RASA3: variants seen among roughly 807,000 people sequenced by gnomAD.
RASA3 encodes the protein RAS p21 protein activator 3.
Under a neutral mutation model 110.0 loss-of-function variants are expected in RASA3, and 73 were observed. That is an observed-to-expected ratio of 0.66 (90% CI 0.55 to 0.81). The LOEUF is 0.81. Among genes scored for constraint, RASA3 ranks in the 30% least tolerant of loss-of-function variants. The probability of loss-of-function intolerance (pLI) is 0.00; values close to 1 mark genes in which losing one functional copy is unlikely to be tolerated. For synonymous variants in RASA3, 500 were observed against 451.4 expected (o/e 1.11, Z -1.37); for missense variants, 976 against 1,113.2 (o/e 0.88, Z 1.75).
At chr13:114,043,651 A>G (rs1468653254) in intron 3 of RASA3, among the ~76,000 whole-genome samples, 2 of 152,082 alleles carry the variant, frequency 1.3e-5, no homozygotes, top group East Asian at 1.9e-4. Flanking sequence ...CGAGAGCCAA[A>G]TCAAGAACCA....
rs757071943 is a variant in RASA3, at chr13:114,021,553, C to G, written c.681-45G>C. ...CAGCTCTAGCTGACGGCGGGCAGCC[C>G]GTGTGGAGCAAAGATGACAGGCCAC... is the stretch of plus-strand genomic sequence containing the variant. On this transcript the variant is annotated intron_variant, in intron 8 of 23. Transcript: ENST00000334062. 5 of 1,544,360 alleles carry G rather than the reference C, an allele frequency of 3.2e-6. No homozygotes were observed. The African/African-American group carries it at 5.4e-5, about 17-fold the overall frequency.
In RASA3 at chr13:114,118,429, T is replaced by G. The variant is rs938423043; in HGVS notation, c.55+14006A>C. On this transcript the variant is annotated intron_variant, in intron 1 of 23. Transcript: ENST00000334062. ...TCAAGTAAAACTAAAAGCTTTTGCC[T>G]TGCCGTTGTTGCCTTTTGGTGGGTG... Among the ~76,000 whole-genome samples the G allele has an allele frequency of 3.3e-5, 5 of 152,160 alleles. No individual in the cohort carries two copies. The East Asian group carries it at 9.6e-4, about 29-fold the overall frequency.
intron 3 of RASA3, among the ~76,000 whole-genome samples, chr13:114,043,801 C>G (rs1594376797): frequency 6.6e-6 from 1 of 151,568 alleles, no homozygotes; most frequent in East Asian, 2.0e-4. Flanking sequence ...TGGACGACAG[C>G]CAGGACACCT....
Position 114,071,205 on chromosome 13 carries a change from C to A in RASA3, c.173+2515G>T, listed in dbSNP as rs1411525186. ...TAATCATGGCTCACTGCGGCCTCAA[C>A]CTCCTGGCCTCAAGCAATCCTCACA... On this transcript the variant is annotated intron_variant, in intron 2 of 23. Coordinates refer to ENST00000334062, the MANE Select transcript of RASA3 (RefSeq NM_007368.4). Among the ~76,000 whole-genome samples, 9 of 152,206 alleles carry A rather than the reference C, an allele frequency of 5.9e-5. No homozygotes were observed. The East Asian group carries it at 1.7e-3, about 29-fold the overall frequency.
chr13:114,041,119 C>T, intron 3 of RASA3, 25 bp from the exon 4 acceptor site: 1 of 1,601,280 alleles, frequency 6.2e-7, no homozygotes, highest in Non-Finnish European at 8.6e-7. Flanking sequence ...GAGAAGACTT[C>T]ACCACGGGCA....
At chr13:114,044,540 G>A (rs67011622) in intron 3 of RASA3, among the ~76,000 whole-genome samples, 2,389 of 73,692 alleles carry the variant, frequency 0.032, 223 homozygotes, top group African/African-American at 0.12. Context: ...TGAGCCCCCC[G>A]CCCTCCCACC....
chr13:113,981,814 C>A lies in RASA3; in HGVS notation c.2290G>T (p.Glu764Ter). The A allele has an allele frequency of 6.2e-7, 1 of 1,614,008 alleles. No homozygotes were observed. Among genetic ancestry groups the A allele is most frequent in the Non-Finnish European group, 8.5e-7 (1 of 1,179,970 alleles). The change falls in exon 23 of 24, where the codon GAG becomes TAG. Residue 764 changes from glutamate (E) to a stop codon, truncating the protein, a stop_gained. Coordinates refer to ENST00000334062, the MANE Select transcript of RASA3 (RefSeq NM_007368.4). LOFTEE classifies it high-confidence loss of function. The part of the protein sequence containing the change: ...KSVYDGPEQE[E>*]YSTFVIDDPQ... ...TCGTCAATGACGAACGTCGAATACT[C>A]CTCCTGCTCCGGGCCGTCATACACA...
chr13:113,981,987 T>C, intron 22 of RASA3, 129 bp from the exon 23 acceptor site: 2 of 791,534 alleles, frequency 2.5e-6, no homozygotes, highest in Non-Finnish European at 3.9e-6. Context: ...CAGAAAGGGC[T>C]GACCACCACT....
At chr13:114,103,474 G>A (rs184364384) in intron 1 of RASA3, among the ~76,000 whole-genome samples, 17 of 151,844 alleles carry the variant, frequency 1.1e-4, no homozygotes, top group African/African-American at 2.2e-4. Context: ...CCAAGCCGCC[G>A]AGGAGCACCT....
At chr13:114,054,165 G>T (rs1010548587) in intron 2 of RASA3, among the ~76,000 whole-genome samples, 1 of 152,074 alleles carries the variant, frequency 6.6e-6, no homozygotes, top group East Asian at 1.9e-4. Flanking sequence ...AAAGTGAAAA[G>T]ACAGACTAGA....
At chr13:114,118,109 C>T (rs2080320677) in intron 1 of RASA3, among the ~76,000 whole-genome samples, 1 of 152,110 alleles carries the variant, frequency 6.6e-6, no homozygotes, top group African/African-American at 2.4e-5. Flanking sequence ...GCTGAAAATT[C>T]TCATTATGAG....
At chr13:114,034,471 C>T (rs990947893) in intron 4 of RASA3, among the ~76,000 whole-genome samples, 4 of 152,196 alleles carry the variant, frequency 2.6e-5, no homozygotes, top group Non-Finnish European at 5.9e-5. Context: ...TGTGCTCTCC[C>T]GGCTCCTGGC....
chr13:114,068,035 C>G (rs1566546554), intron 2 of RASA3, among the ~76,000 whole-genome samples: 1 of 152,270 alleles, frequency 6.6e-6, no homozygotes, highest in Non-Finnish European at 1.5e-5. Flanking sequence ...CCTACAGACA[C>G]AGCTTTGTAA....
In RASA3 at chr13:114,112,204, T is replaced by C. The variant is rs1208605045; in HGVS notation, c.55+20231A>G. On this transcript the variant is annotated intron_variant, in intron 1 of 23. Coordinates refer to ENST00000334062, the MANE Select transcript of RASA3 (RefSeq NM_007368.4). This position sits in a 1 kb window ranked among gnomAD's most constrained non-coding sequence, Gnocchi z 4.8. ...GAGAACAAAACCCTCAGCCAGGCTA[T>C]TGTGAATGGGTGTTACCAAAAAATG... Among the ~76,000 whole-genome samples the C allele has an allele frequency of 2.0e-5, 3 of 151,998 alleles. No individual in the cohort carries two copies. Among genetic ancestry groups the C allele is most frequent in the Non-Finnish European group, 4.4e-5 (3 of 67,954 alleles).
intron 1 of RASA3, among the ~76,000 whole-genome samples, chr13:114,122,055 T>C (rs2080385843): frequency 6.6e-6 from 1 of 152,170 alleles, no homozygotes; most frequent in Non-Finnish European, 1.5e-5. Context: ...TCCCAGAATC[T>C]CAGCAGTCAG....
intron 22 of RASA3, 88 bp downstream of exon 22, chr13:113,992,397 C>T: frequency 9.6e-7 from 1 of 1,039,128 alleles, no homozygotes; most frequent in Non-Finnish European, 1.5e-6. Context: ...GCTCAGACCA[C>T]AGGTTTTCAC....
chr13:113,991,768 G>A (rs1243746662), intron 22 of RASA3, among the ~76,000 whole-genome samples: 1 of 152,252 alleles, frequency 6.6e-6, no homozygotes, highest in African/African-American at 2.4e-5. Context: ...TAGATGGCAT[G>A]TGTGTACCCA....
chr13:114,074,377 G>A (rs1594426834), intron 1 of RASA3, among the ~76,000 whole-genome samples: 2 of 152,252 alleles, frequency 1.3e-5, no homozygotes, highest in African/African-American at 4.8e-5. Context: ...TCCACAGGAC[G>A]TGTCCTTTCA....
rs748117549 is a variant in RASA3, at chr13:114,107,972, C to T, written c.55+24463G>A. 3.3e-5 allele frequency among the ~76,000 whole-genome samples: 5 copies of T among 152,180 alleles called. 1 individual carries two copies. Among genetic ancestry groups the T allele is most frequent in the African/African-American group, 9.6e-5 (4 of 41,516 alleles). On this transcript the variant is annotated intron_variant, in intron 1 of 23. Transcript: ENST00000334062. Reference sequence around the variant, plus strand: ...GTAAGCCTCTCCAAGCCTGCTTCCTCGCCGGCATGGTGGGGGTGGCCCTGC... The same window carrying T: ...GTAAGCCTCTCCAAGCCTGCTTCCTTGCCGGCATGGTGGGGGTGGCCCTGC...
Sources: allele counts gnomAD v4.1 joint callset (sites outside exome capture counted in the v4.1 genomes callset), GRCh38; gene constraint gnomAD v4.1.1; non-coding constraint Gnocchi (gnomAD v3.1); transcripts MANE v1.5; gene names NCBI Gene and HGNC (gene_info 2026-07-23, HGNC 2026-07-21).